CBFA2T2: variants seen among roughly 807,000 people sequenced by gnomAD.
The protein encoded by CBFA2T2 is protein CBFA2T2.
In CBFA2T2, 11 loss-of-function variants were observed where a neutral mutation model predicts 62.2. The ratio of observed to expected loss-of-function variants is 0.18; its 90% CI spans 0.11 to 0.29. The LOEUF (loss-of-function observed/expected upper bound fraction) is 0.29. CBFA2T2 is among the 10% of genes least tolerant of loss of function. The probability of loss-of-function intolerance (pLI) is 1.00; values close to 1 mark genes in which losing one functional copy is unlikely to be tolerated. For synonymous variants in CBFA2T2, 295 were observed against 287.5 expected, an observed-to-expected ratio of 1.03 and a Z score of -0.27; for missense variants, 592 against 774.1, an observed-to-expected ratio of 0.76 and a Z score of 2.79.
rs530419350 is a variant in CBFA2T2 at position 33,494,679 on chromosome 20, A to G, written c.34+4378A>G. On this transcript the variant is annotated intron_variant, in intron 1 of 10. Coordinates refer to ENST00000342704, the MANE Select transcript of CBFA2T2 (RefSeq NM_001032999.3). ...GCAATGGCGATCTTGGCTCACCACA[A>G]CCTCCGCCTCCCAGGTTCAAGCGAT... Among the ~76,000 whole-genome samples, 18 of 149,816 alleles carry G rather than the reference A, an allele frequency of 1.2e-4. 2 individuals are homozygous for G. Among genetic ancestry groups the G allele is most frequent in the South Asian group, 6.4e-4 (3 of 4,698 alleles).
intron 1 of CBFA2T2, among the ~76,000 whole-genome samples, chr20:33,521,823 C>CGTGTGTGTGTGT (rs111558647): frequency 6.7e-6 from 1 of 148,386 alleles, no homozygotes; most frequent in African/African-American, 2.5e-5. Context: ...ATTTGAGCTG[C>CGTGTGTGTGTGT]GTGTGTGTGT....
rs774486925 is a variant in CBFA2T2, at chr20:33,624,824, A to G, written c.753A>G (p.Val251=). The change falls in exon 6 of 11, where the codon GTA becomes GTG. Residue 251 remains valine, a synonymous_variant. Transcript: ENST00000342704. ...CTCCTGAGCCTCCTGCCAAGAGAGTATGTACCATCAGCCCTGCTCCTCGGC... is the reference window on the plus strand; with the variant it reads ...CTCCTGAGCCTCCTGCCAAGAGAGTGTGTACCATCAGCCCTGCTCCTCGGC... The part of the protein sequence containing the change: ...TIAPEPPAKR[V]CTISPAPRHS... 1.2e-6 allele frequency: 2 copies of G among 1,614,202 alleles called. No homozygotes were observed. The highest frequency in any genetic ancestry group is 3.3e-5 in the Admixed American group (2 of 60,018).
At chr20:33,542,681 G>A (rs2012437873) in intron 1 of CBFA2T2, among the ~76,000 whole-genome samples, 1 of 151,694 alleles carries the variant, frequency 6.6e-6, no homozygotes, top group African/African-American at 2.4e-5. Flanking sequence ...TCTTTTTTTG[G>A]GGGGTTCAGG....
chr20:33,620,501 C>T (rs1365930728), intron 4 of CBFA2T2, among the ~76,000 whole-genome samples: 1 of 145,266 alleles, frequency 6.9e-6, no homozygotes, highest in East Asian at 2.1e-4. Context: ...GTGAGACATT[C>T]TCAAAAATAA....
At chr20:33,602,837 C>T (rs1463126083) in intron 1 of CBFA2T2, among the ~76,000 whole-genome samples, 1 of 152,180 alleles carries the variant, frequency 6.6e-6, no homozygotes, top group Non-Finnish European at 1.5e-5. Flanking sequence ...CAGCATCACT[C>T]CTCTTTTACT....
At chr20:33,536,613 TCAGACGGGGCGGTTGC>T (rs1211563342) in intron 1 of CBFA2T2, among the ~76,000 whole-genome samples, 1 of 140,428 alleles carries the variant, frequency 7.1e-6, no homozygotes, top group African/African-American at 2.7e-5. Context: ...TCCTCACTTC[TCAGACGGGGCGGTTGC>T]CAGGCGGAGG....
chr20:33,580,752 C>G (rs1000962837), intron 1 of CBFA2T2, among the ~76,000 whole-genome samples: 9 of 152,008 alleles, frequency 5.9e-5, no homozygotes, highest in African/African-American at 2.2e-4. Context: ...ACCTAGGAGG[C>G]CAAGGTGGGA....
Position 33,556,895 on chromosome 20 carries a change from G to A in CBFA2T2, c.35-50061G>A, listed in dbSNP as rs2012911724. On this transcript the variant is annotated intron_variant, in intron 1 of 10. Transcript: ENST00000342704. ...TATTTATTTTGATGCTTAAATTGTT[G>A]CACAATTCCAGTGGTAGTCCCTTCT... Among the ~76,000 whole-genome samples the A allele has an allele frequency of 2.0e-5, 3 of 150,380 alleles. No individual in the cohort carries two copies. The South Asian group carries it at 6.3e-4, about 32-fold the overall frequency.
At chr20:33,557,536 T>TCA (rs11473373) in intron 1 of CBFA2T2, among the ~76,000 whole-genome samples, 44,930 of 151,946 alleles carry the variant, frequency 0.3, 6,811 homozygotes, top group East Asian at 0.35. Context: ...AGACAGGGTC[T>TCA]CACTCTGTCA....
At chr20:33,593,552 C>T (rs554682608) in intron 1 of CBFA2T2, among the ~76,000 whole-genome samples, 8 of 151,884 alleles carry the variant, frequency 5.3e-5, no homozygotes, top group Admixed American at 5.2e-4. Context: ...GCCACCACGC[C>T]TGGCTAATTT....
intron 9 of CBFA2T2, chr20:33,639,458 C>G (rs1356186519): frequency 6.6e-6 from 1 of 152,060 alleles, no homozygotes; most frequent in Admixed American, 6.6e-5. Flanking sequence ...CCTGTAGTCC[C>G]AGCTACTCAG....
At chr20:33,588,878 G>T (rs1481713001) in intron 1 of CBFA2T2, among the ~76,000 whole-genome samples, 1 of 152,094 alleles carries the variant, frequency 6.6e-6, no homozygotes, top group Non-Finnish European at 1.5e-5. Flanking sequence ...GGAGGCAGAG[G>T]TTGCAGTGAG....
chr20:33,556,946 T>A (rs1054308340), intron 1 of CBFA2T2, among the ~76,000 whole-genome samples: 1 of 150,566 alleles, frequency 6.6e-6, no homozygotes, highest in Non-Finnish European at 1.5e-5. Flanking sequence ...TCTTTTGACA[T>A]ACCCCTGTCA....
Position 33,506,527 on chromosome 20 carries a change from A to G in CBFA2T2, c.34+16226A>G, listed in dbSNP as rs567331111. On this transcript the variant is annotated intron_variant, in intron 1 of 10. Coordinates refer to ENST00000342704, the MANE Select transcript of CBFA2T2 (RefSeq NM_001032999.3). ...TGCGCTAAGTGCCATAGGGCTGCCA[A>G]GGTAGGTAAGATTCGGTCCCGGTCC... 3.7e-3 allele frequency among the ~76,000 whole-genome samples: 561 copies of G among 152,314 alleles called. 4 individuals carry two copies. The highest frequency in any genetic ancestry group is 0.013 in the African/African-American group (538 of 41,576).
At chr20:33,580,458 C>A (rs1392141579) in intron 1 of CBFA2T2, among the ~76,000 whole-genome samples, 2 of 152,186 alleles carry the variant, frequency 1.3e-5, no homozygotes, top group African/African-American at 4.8e-5. Flanking sequence ...AAATTGGCCT[C>A]TTCTGAAACA....
intron 1 of CBFA2T2, among the ~76,000 whole-genome samples, chr20:33,502,801 G>A (rs1027738627): frequency 3.0e-4 from 44 of 148,050 alleles, no homozygotes; most frequent in African/African-American, 9.8e-4. Flanking sequence ...TAGAAATCAA[G>A]ATTTGGAGGC....
chr20:33,581,461 G>GT (rs1007470328), intron 1 of CBFA2T2, among the ~76,000 whole-genome samples: 1 of 151,402 alleles, frequency 6.6e-6, no homozygotes, highest in Non-Finnish European at 1.5e-5. Flanking sequence ...GTAACTCAAG[G>GT]TTTTTTGTTT....
At chr20:33,494,271 ATATTTTTTTTTTT>A (rs1555826768) in intron 1 of CBFA2T2, among the ~76,000 whole-genome samples, 287 of 20,976 alleles carry the variant, frequency 0.014, 2 homozygotes, top group Non-Finnish European at 0.02. Flanking sequence ...ATATATATAT[ATATTTTTTTTTTT>A]TTTTTTTTTT....
At chr20:33,515,350 C>CA (rs11371940) in intron 1 of CBFA2T2, among the ~76,000 whole-genome samples, 70,701 of 81,458 alleles carry the variant, frequency 0.87, 31,921 homozygotes, top group Non-Finnish European at 0.98. Flanking sequence ...GACTCCATCT[C>CA]AAAAAAAAAA....
Sources: allele counts gnomAD v4.1 joint callset (sites outside exome capture counted in the v4.1 genomes callset), GRCh38; gene constraint gnomAD v4.1.1; transcripts MANE v1.5; gene names NCBI Gene and HGNC (gene_info 2026-07-23, HGNC 2026-07-21).